Variants in TBC1D5 observed in about 807,000 individuals in gnomAD.
TBC1D5 encodes TBC1 domain family, member 5.
In TBC1D5, 75 loss-of-function variants were observed where a neutral mutation model predicts 100.3. The ratio of observed to expected loss-of-function variants is 0.75; its 90% CI spans 0.62 to 0.91. The LOEUF is 0.91. Ranked by LOEUF, TBC1D5 falls within the 40% of genes least tolerant of loss-of-function variation. The pLI is 0.00. For missense variants in TBC1D5, 910 were observed against 942.4 expected (o/e 0.97, Z 0.45); for synonymous variants, 323 against 325.6 (o/e 0.99, Z 0.09).
intron 1 of TBC1D5, among the ~76,000 whole-genome samples, chr3:17,633,735 A>G (rs1165495762): frequency 2.0e-5 from 3 of 152,160 alleles, no homozygotes; most frequent in Admixed American, 1.3e-4. Context: ...AAAATTAAGC[A>G]TAGTTCTCAA....
At chr3:17,686,380 T>A (rs1238942661) in intron 1 of TBC1D5, among the ~76,000 whole-genome samples, 2 of 152,122 alleles carry the variant, frequency 1.3e-5, no homozygotes, top group Non-Finnish European at 2.9e-5. Context: ...AATAATAACT[T>A]TGTGATAGGT....
At chr3:17,688,848 A>G (rs2070697479) in intron 1 of TBC1D5, among the ~76,000 whole-genome samples, 1 of 152,206 alleles carries the variant, frequency 6.6e-6, no homozygotes, top group South Asian at 2.1e-4. Context: ...GCCTATTTTT[A>G]AAATTTCTAC....
chr3:17,683,313 T>C (rs1325445369), intron 1 of TBC1D5, among the ~76,000 whole-genome samples: 3 of 151,460 alleles, frequency 2.0e-5, no homozygotes, highest in East Asian at 3.9e-4. Flanking sequence ...TTTTACCTAA[T>C]AGAGCCCTGG....
At chr3:17,540,122 T>C (rs2153418134) in intron 2 of TBC1D5, among the ~76,000 whole-genome samples, 1 of 152,374 alleles carries the variant, frequency 6.6e-6, no homozygotes, top group African/African-American at 2.4e-5. Flanking sequence ...GGTGTACCAA[T>C]TGCCATTTGT....
At chr3:17,323,003 C>A (rs1385133859) in intron 13 of TBC1D5, among the ~76,000 whole-genome samples, 1 of 152,086 alleles carries the variant, frequency 6.6e-6, no homozygotes, top group Admixed American at 6.5e-5. Flanking sequence ...AGTTTAAAAA[C>A]AAGTATCAAA....
chr3:17,388,822 C>T lies in TBC1D5; in HGVS notation c.510-4807G>A, dbSNP rs543192505. Among the ~76,000 whole-genome samples, 36 of 151,982 alleles carry T rather than the reference C, an allele frequency of 2.4e-4. No homozygotes were observed. In the South Asian group the frequency reaches 5.4e-3, roughly 23 times the overall value. Reference sequence around the variant, plus strand: ...AGGCTGCAGTGGGCTGTGTTTGTGCCGCTGCACTTTGGCCTAGGCAAGAGA... The same window carrying T: ...AGGCTGCAGTGGGCTGTGTTTGTGCTGCTGCACTTTGGCCTAGGCAAGAGA... On this transcript the variant is annotated intron_variant, in intron 8 of 21. Transcript: ENST00000253692.
At chr3:17,373,322 A>G (rs961885143) in intron 12 of TBC1D5, among the ~76,000 whole-genome samples, 2 of 152,174 alleles carry the variant, frequency 1.3e-5, no homozygotes, top group African/African-American at 2.4e-5. Flanking sequence ...CTAACCAGAA[A>G]GCAATTAATT....
intron 1 of TBC1D5, among the ~76,000 whole-genome samples, chr3:17,626,775 T>C (rs2063098096): frequency 6.6e-6 from 1 of 152,046 alleles, no homozygotes; most frequent in African/African-American, 2.4e-5. Flanking sequence ...TGAAGAAGGA[T>C]ATGCCAATGT....
intron 3 of TBC1D5, among the ~76,000 whole-genome samples, chr3:17,458,038 G>T (rs1349963851): frequency 6.6e-6 from 1 of 151,962 alleles, no homozygotes; most frequent in Non-Finnish European, 1.5e-5. Flanking sequence ...TCTTTCCTTT[G>T]TACTCAAAAA....
intron 2 of TBC1D5, among the ~76,000 whole-genome samples, chr3:17,538,913 G>A (rs1468249785): frequency 1.3e-5 from 2 of 152,138 alleles, no homozygotes; most frequent in Non-Finnish European, 2.9e-5. Context: ...CAATCATGGT[G>A]GATCACACTT....
intron 3 of TBC1D5, among the ~76,000 whole-genome samples, chr3:17,507,097 G>T (rs976525285): frequency 6.6e-6 from 1 of 152,094 alleles, no homozygotes; most frequent in African/African-American, 2.4e-5. Context: ...GAAATATTTT[G>T]GTGAAACTAT....
intron 1 of TBC1D5, among the ~76,000 whole-genome samples, chr3:17,692,430 TAGAG>T (rs2071311334): frequency 6.6e-6 from 1 of 152,120 alleles, no homozygotes. Context: ...AAGAGTTGAA[TAGAG>T]AAAGAATTAG....
chr3:17,186,710 C>CAAA (rs58438478), intron 18 of TBC1D5, among the ~76,000 whole-genome samples: 298 of 27,284 alleles, frequency 0.011, 3 homozygotes, highest in East Asian at 0.043. Context: ...ACTCTATCTC[C>CAAA]AAAAAAAAAA....
intron 2 of TBC1D5, among the ~76,000 whole-genome samples, chr3:17,526,296 C>T (rs1354998368): frequency 6.6e-6 from 1 of 152,176 alleles, no homozygotes; most frequent in African/African-American, 2.4e-5. Context: ...TAGCTCACTG[C>T]ACTCTCCAAC....
chr3:17,388,607 GA>G (rs1466363628), intron 8 of TBC1D5, among the ~76,000 whole-genome samples: 1 of 149,168 alleles, frequency 6.7e-6, no homozygotes, highest in Non-Finnish European at 1.5e-5. Context: ...CCAGCACTTT[GA>G]AAGGTCAAGG....
At chr3:17,346,566 T>C (rs908207395) in intron 13 of TBC1D5, among the ~76,000 whole-genome samples, 6 of 152,164 alleles carry the variant, frequency 3.9e-5, no homozygotes, top group Non-Finnish European at 7.4e-5. Flanking sequence ...TCCCATGATA[T>C]ATTGAACATT....
chr3:17,280,258 A>G (rs2080435892), intron 15 of TBC1D5, among the ~76,000 whole-genome samples: 1 of 152,188 alleles, frequency 6.6e-6, no homozygotes, highest in African/African-American at 2.4e-5. Context: ...GACTTAAAGG[A>G]GGATGAGCAA....
At chr3:17,442,758 T>C (rs991006988) in intron 3 of TBC1D5, among the ~76,000 whole-genome samples, 3 of 152,172 alleles carry the variant, frequency 2.0e-5, no homozygotes, top group Non-Finnish European at 4.4e-5. Flanking sequence ...TGGAAAGGAC[T>C]TTGAAACTGC....
intron 2 of TBC1D5, among the ~76,000 whole-genome samples, chr3:17,546,767 G>C (rs1488505486): frequency 2.1e-5 from 3 of 145,584 alleles, no homozygotes; most frequent in African/African-American, 5.1e-5. Context: ...TGGCTGACAA[G>C]AGCGAGACTC....
Sources: allele counts gnomAD v4.1 joint callset (sites outside exome capture counted in the v4.1 genomes callset), GRCh38; gene constraint gnomAD v4.1.1; transcripts MANE v1.5; gene names NCBI Gene and HGNC (gene_info 2026-07-23, HGNC 2026-07-21).